DPP6: variants seen among roughly 807,000 people sequenced by gnomAD.
DPP6 encodes the protein A-type potassium channel modulatory protein DPP6.
DPP6 carries 69 observed loss-of-function variants against 122.6 expected under a neutral mutation model. The ratio of observed to expected loss-of-function variants is 0.56; its 90% CI spans 0.46 to 0.69. DPP6 has a LOEUF of 0.69. Ranked by LOEUF, DPP6 falls within the 30% of genes least tolerant of loss-of-function variation. The pLI is 0.00. For missense variants in DPP6, 928 were observed against 1,116.9 expected (o/e 0.83, Z 2.41); for synonymous variants, 418 against 433.1 (o/e 0.97, Z 0.43).
At chr7:154,612,815 A>G (rs1833992118) in intron 5 of DPP6, among the ~76,000 whole-genome samples, 1 of 152,172 alleles carries the variant, frequency 6.6e-6, no homozygotes, top group African/African-American at 2.4e-5. Flanking sequence ...TGTTTTCATT[A>G]TCTTGTATTT....
At chr7:154,003,825 G>A (rs1475776227) in intron 1 of DPP6, among the ~76,000 whole-genome samples, 4 of 152,140 alleles carry the variant, frequency 2.6e-5, no homozygotes, top group Admixed American at 1.3e-4. Flanking sequence ...CATGACAAGC[G>A]CATGCAAGCT....
chr7:154,033,102 T>A (rs1799341964), intron 1 of DPP6, among the ~76,000 whole-genome samples: 1 of 152,112 alleles, frequency 6.6e-6, no homozygotes, highest in African/African-American at 2.4e-5. Flanking sequence ...GATTTCCCTG[T>A]ATTATTTCAC....
chr7:154,171,157 A>C (rs1289144934), intron 1 of DPP6, among the ~76,000 whole-genome samples: 1 of 152,202 alleles, frequency 6.6e-6, no homozygotes, highest in Non-Finnish European at 1.5e-5. Flanking sequence ...TAGCTGCCTA[A>C]CTTCTTTGGG....
At chr7:154,770,704 C>T (rs959445743) in intron 9 of DPP6, among the ~76,000 whole-genome samples, 1 of 152,150 alleles carries the variant, frequency 6.6e-6, no homozygotes, top group Non-Finnish European at 1.5e-5. Context: ...CATGTTCTGA[C>T]CCAATGAGCC....
chr7:154,386,657 A>G (rs1178721715), intron 1 of DPP6, among the ~76,000 whole-genome samples: 2 of 152,196 alleles, frequency 1.3e-5, no homozygotes, highest in African/African-American at 4.8e-5. Context: ...AAGGGATTCT[A>G]GCTCTCCACT....
intron 1 of DPP6, among the ~76,000 whole-genome samples, chr7:154,357,946 CAA>C (rs563436108): frequency 1.5e-4 from 19 of 123,874 alleles, no homozygotes; most frequent in African/African-American, 2.0e-4. Flanking sequence ...AACTTCGTCT[CAA>C]AAAAAAAAAA....
chr7:154,874,766 G>A (rs568683115), intron 19 of DPP6, among the ~76,000 whole-genome samples: 43 of 152,280 alleles, frequency 2.8e-4, no homozygotes, highest in Admixed American at 3.3e-4. Flanking sequence ...GCTGGACCTG[G>A]GGCTGACTTT....
intron 1 of DPP6, among the ~76,000 whole-genome samples, chr7:154,187,555 T>A (rs575805615): frequency 1.7e-4 from 26 of 152,358 alleles, no homozygotes; most frequent in African/African-American, 5.3e-4. Flanking sequence ...ATAGGTTTGC[T>A]TTCCTATATA....
chr7:154,470,630 G>C (rs1428741553), intron 2 of DPP6, among the ~76,000 whole-genome samples: 1 of 152,184 alleles, frequency 6.6e-6, no homozygotes, highest in Non-Finnish European at 1.5e-5. Context: ...TGAGAAATTT[G>C]CATTACACAT....
At chr7:154,794,227 G>T in intron 11 of DPP6, 25 bp downstream of exon 11, 1 of 1,584,236 alleles carries the variant, frequency 6.3e-7, no homozygotes, top group East Asian at 2.3e-5. Context: ...GGGGGTGGAG[G>T]GGAGACGGGT....
At chr7:154,880,984 G>A (rs1429077887) in intron 21 of DPP6, 42 bp downstream of exon 21, 3 of 1,611,312 alleles carry the variant, frequency 1.9e-6, no homozygotes, top group Non-Finnish European at 2.5e-6. Context: ...CTCAGTTCCA[G>A]TGTGGCCTGC....
intron 1 of DPP6, among the ~76,000 whole-genome samples, chr7:154,431,126 C>T (rs773576225): frequency 5.3e-5 from 8 of 152,170 alleles, no homozygotes; most frequent in African/African-American, 9.7e-5. Context: ...GAAGGAGGAA[C>T]GCAAAGGCCT....
chr7:154,885,594 C>T (rs1806079060), intron 21 of DPP6, 39 bp from the exon 22 acceptor site: 2 of 1,549,614 alleles, frequency 1.3e-6, no homozygotes, highest in Non-Finnish European at 1.7e-6. Context: ...TGAGTTACTG[C>T]CAGGACTCCT....
chr7:154,444,868 T>C (rs1819716986), intron 1 of DPP6, among the ~76,000 whole-genome samples: 1 of 152,244 alleles, frequency 6.6e-6, no homozygotes, highest in African/African-American at 2.4e-5. Flanking sequence ...GTAGCTGTTT[T>C]GTTGCTCACG....
intron 1 of DPP6, among the ~76,000 whole-genome samples, chr7:154,074,484 C>T (rs183023292): frequency 7.9e-5 from 12 of 152,226 alleles, no homozygotes; most frequent in Non-Finnish European, 1.3e-4. Flanking sequence ...AATCAGTGGA[C>T]CAAACAGAAA....
intron 1 of DPP6, among the ~76,000 whole-genome samples, chr7:154,239,778 G>C (rs1801454764): frequency 1.4e-5 from 2 of 147,538 alleles, no homozygotes; most frequent in Admixed American, 1.4e-4. Context: ...TTTGAGACCA[G>C]CCTGGCCAAC....
At chr7:154,312,520 G>A (rs775332478) in intron 1 of DPP6, among the ~76,000 whole-genome samples, 5 of 152,204 alleles carry the variant, frequency 3.3e-5, no homozygotes, top group Non-Finnish European at 5.9e-5. Context: ...GCTTTCCCCA[G>A]TGTGGAACTG....
chr7:154,670,500 C>G (rs1200564759), intron 7 of DPP6, among the ~76,000 whole-genome samples: 1 of 152,224 alleles, frequency 6.6e-6, no homozygotes, highest in Admixed American at 6.5e-5. Context: ...TTTGTTCCAA[C>G]TCTAGCCTTG....
At chr7:153,766,465 TTTTG>T in the DPP6 span, among the ~76,000 whole-genome samples, 3 of 152,338 alleles carry the variant, frequency 2.0e-5, no homozygotes, top group African/African-American at 7.2e-5. Flanking sequence ...GGAACTAAGT[TTTTG>T]TTTGTGCCTG....
Sources: gnomAD v4.1 joint callset for allele counts (sites outside exome capture counted in the v4.1 genomes callset) on GRCh38, gnomAD v4.1.1 for gene constraint, MANE v1.5 for transcripts, NCBI Gene and HGNC (gene_info 2026-07-23, HGNC 2026-07-21) for gene names.